The following ZSCAN5A variants were observed in gnomAD, a reference collection of about 807,000 sequenced individuals.
ZSCAN5A encodes zinc finger and SCAN domain containing 5A, also known as zinc finger and SCAN domain-containing protein 5A.
ZSCAN5A carries 12 observed loss-of-function variants against 23.7 expected under a neutral mutation model. The observed-to-expected ratio is 0.51, with a 90% CI of 0.32 to 0.82. The LOEUF (loss-of-function observed/expected upper bound fraction) is 0.82. Ranked by LOEUF, ZSCAN5A falls within the 40% of genes least tolerant of loss-of-function variation. ZSCAN5A has a pLI of 0.03. For synonymous variants in ZSCAN5A, 257 were observed against 239.9 expected, an observed-to-expected ratio of 1.07 and a Z score of -0.66; for missense variants, 597 against 617.9, an observed-to-expected ratio of 0.97 and a Z score of 0.36.
intron 2 of ZSCAN5A, among the ~76,000 whole-genome samples, chr19:56,244,848 C>T (rs2146661491): frequency 1.3e-5 from 2 of 151,610 alleles, no homozygotes; most frequent in Middle Eastern, 6.8e-3. Context: ...AAGCGGGGCC[C>T]AGGAGTCCCA....
chr19:56,290,476 T>C (rs1187676975), intron 2 of ZSCAN5A, among the ~76,000 whole-genome samples: 1 of 152,176 alleles, frequency 6.6e-6, no homozygotes, highest in African/African-American at 2.4e-5. Flanking sequence ...GGGTCTTTGT[T>C]TAAAATTAGG....
At chr19:56,364,452 C>T (rs1166913502) in intron 1 of ZSCAN5A, among the ~76,000 whole-genome samples, 1 of 152,056 alleles carries the variant, frequency 6.6e-6, no homozygotes, top group East Asian at 1.9e-4. Flanking sequence ...GAAAGAACGA[C>T]AATATAAAGT....
chr19:56,334,051 A>G (rs1305246114), intron 2 of ZSCAN5A, among the ~76,000 whole-genome samples: 1 of 152,226 alleles, frequency 6.6e-6, no homozygotes, highest in African/African-American at 2.4e-5. Context: ...AAGAGATTAC[A>G]GATTTAAAAA....
chr19:56,225,729 T>C (rs1421261864), intron 2 of ZSCAN5A, among the ~76,000 whole-genome samples: 1 of 152,180 alleles, frequency 6.6e-6, no homozygotes, highest in Admixed American at 6.5e-5. Flanking sequence ...TTTTTTACTC[T>C]CTTCAAGTTC....
At chr19:56,341,718 A>AC (rs1222354067) in intron 2 of ZSCAN5A, among the ~76,000 whole-genome samples, 14 of 150,902 alleles carry the variant, frequency 9.3e-5, no homozygotes, top group African/African-American at 3.4e-4. Flanking sequence ...AAAAAAAAAA[A>AC]AAAAAAAAAC....
chr19:56,269,652 G>A (rs2037707807), intron 2 of ZSCAN5A, among the ~76,000 whole-genome samples: 1 of 152,212 alleles, frequency 6.6e-6, no homozygotes, highest in African/African-American at 2.4e-5. Context: ...GCAATGTACG[G>A]TGAGAAAGAC....
chr19:56,339,170 G>A (rs1328771665), intron 2 of ZSCAN5A, among the ~76,000 whole-genome samples: 1 of 152,286 alleles, frequency 6.6e-6, no homozygotes, highest in African/African-American at 2.4e-5. Context: ...GGTGTCTGTG[G>A]CAACTATTCA....
upstream of ZSCAN5A, among the ~76,000 whole-genome samples, chr19:56,319,354 G>A (rs1876095065): frequency 6.6e-6 from 1 of 151,972 alleles, no homozygotes; most frequent in Non-Finnish European, 1.5e-5. Context: ...AAATTAGCCA[G>A]ATGTGGTGGC....
chr19:56,291,326 C>T (rs1182051279), intron 2 of ZSCAN5A, among the ~76,000 whole-genome samples: 1 of 152,108 alleles, frequency 6.6e-6, no homozygotes, highest in Non-Finnish European at 1.5e-5. Context: ...AAGATGAATC[C>T]CCACGGAAAC....
chr19:56,301,439 T>C (rs969033173), intron 2 of ZSCAN5A, among the ~76,000 whole-genome samples: 2 of 152,064 alleles, frequency 1.3e-5, no homozygotes, highest in Non-Finnish European at 2.9e-5. Context: ...ATAATTAGTA[T>C]ATAATGAGCA....
intron 2 of ZSCAN5A, among the ~76,000 whole-genome samples, chr19:56,255,493 C>T (rs763395676): frequency 6.6e-6 from 1 of 152,130 alleles, no homozygotes; most frequent in Non-Finnish European, 1.5e-5. Context: ...GACTCTGTGC[C>T]GTAGCCCAGT....
intron 2 of ZSCAN5A, among the ~76,000 whole-genome samples, chr19:56,281,393 T>C (rs755185253): frequency 3.9e-4 from 60 of 152,138 alleles, no homozygotes; most frequent in Non-Finnish European, 7.9e-4. Context: ...TTTATATAAA[T>C]ATATATCTGT....
chr19:56,228,476 A>C, intron 2 of ZSCAN5A: 6 of 974,814 alleles, frequency 6.2e-6, no homozygotes, highest in Non-Finnish European at 7.3e-6. Flanking sequence ...TGTACTAAAC[A>C]TGCCTACTGT....
intron 2 of ZSCAN5A, among the ~76,000 whole-genome samples, chr19:56,323,507 T>G (rs962318711): frequency 1.1e-4 from 16 of 151,800 alleles, no homozygotes; most frequent in Non-Finnish European, 2.2e-4. Flanking sequence ...TTGTTGAATT[T>G]ATGGATGCAG....
chr19:56,262,314 C>T (rs935390180), intron 2 of ZSCAN5A, among the ~76,000 whole-genome samples: 16 of 152,058 alleles, frequency 1.1e-4, no homozygotes, highest in African/African-American at 2.7e-4. Flanking sequence ...CCACCGTGCC[C>T]GGCCCACTTT....
At chr19:56,275,508 A>T (rs983325115) in intron 2 of ZSCAN5A, among the ~76,000 whole-genome samples, 1 of 152,216 alleles carries the variant, frequency 6.6e-6, no homozygotes, top group South Asian at 2.1e-4. Flanking sequence ...ACGCAAGAGG[A>T]TCACTTGAGG....
At chr19:56,346,705 T>C (rs1306301785) in intron 2 of ZSCAN5A, among the ~76,000 whole-genome samples, 1 of 151,564 alleles carries the variant, frequency 6.6e-6, no homozygotes, top group Admixed American at 6.6e-5. Flanking sequence ...CTATTACTTT[T>C]TTTTATTTTT....
chr19:56,330,448 C>T (rs62124381), intron 2 of ZSCAN5A, among the ~76,000 whole-genome samples: 1,775 of 152,270 alleles, frequency 0.012, 17 homozygotes, highest in Middle Eastern at 0.02. Context: ...ACATTCCCAC[C>T]ACAGTGTATA....
chr19:56,321,204 T>A, intron 2 of ZSCAN5A: 1 of 666,016 alleles, frequency 1.5e-6, no homozygotes, highest in South Asian at 1.5e-5. Flanking sequence ...GAAGTTAATA[T>A]CTTCTTCTGA....
Sources: allele counts gnomAD v4.1 joint callset (sites outside exome capture counted in the v4.1 genomes callset), GRCh38; gene constraint gnomAD v4.1.1; transcripts MANE v1.5; gene names NCBI Gene and HGNC (gene_info 2026-07-23, HGNC 2026-07-21).